The following COBLL1 variants were observed in gnomAD, a reference collection of about 807,000 sequenced individuals.
COBLL1 encodes the protein cordon-bleu WH2 repeat protein like 1.
COBLL1 carries 50 observed loss-of-function variants against 94.8 expected under a neutral mutation model. The observed-to-expected ratio is 0.53, with a 90% CI of 0.42 to 0.67. The LOEUF (loss-of-function observed/expected upper bound fraction) is 0.67. Among genes scored for constraint, COBLL1 ranks in the 30% least tolerant of loss-of-function variants. The pLI is 0.00. For missense variants in COBLL1, 1,362 were observed against 1,348.7 expected (o/e 1.01, Z -0.15); for synonymous variants, 448 against 473.8 (o/e 0.95, Z 0.71).
At chr2:164,673,248 A>C (rs1691276376) in intron 1 of COBLL1, among the ~76,000 whole-genome samples, 1 of 152,228 alleles carries the variant, frequency 6.6e-6, no homozygotes, top group African/African-American at 2.4e-5. Flanking sequence ...AAATCAGAGA[A>C]CATGACCAGA....
downstream of COBLL1, among the ~76,000 whole-genome samples, chr2:164,676,059 G>A (rs1691331067): frequency 1.3e-5 from 2 of 152,100 alleles, no homozygotes; most frequent in Non-Finnish European, 2.9e-5. Flanking sequence ...TCAACCCACA[G>A]GATTGAATTC....
chr2:164,774,623 GCTCAAAATAT>G (rs1688372202), intron 2 of COBLL1, among the ~76,000 whole-genome samples: 1 of 152,130 alleles, frequency 6.6e-6, no homozygotes, highest in Non-Finnish European at 1.5e-5. Flanking sequence ...TAAGGTTATA[GCTCAAAATAT>G]CACAAGAACT....
intron 3 of COBLL1, among the ~76,000 whole-genome samples, chr2:164,738,626 G>GT (rs1686437040): frequency 6.6e-6 from 1 of 152,188 alleles, no homozygotes; most frequent in Non-Finnish European, 1.5e-5. Flanking sequence ...TGAAAAAGAT[G>GT]TTTATCGATT....
In COBLL1 at chr2:164,706,137, C is replaced by T. The variant is rs965155865; in HGVS notation, c.997-1032G>A. 1.3e-4 allele frequency among the ~76,000 whole-genome samples: 20 copies of T among 152,152 alleles called. 1 individual carries two copies. The highest frequency in any genetic ancestry group is 4.4e-5 in the Non-Finnish European group (3 of 68,028). On this transcript the variant is annotated intron_variant, in intron 7 of 13. Transcript: ENST00000652658. ...AATGATACTTTTCCCAGCCTTTGAT[C>T]CATTAAAAGGATTCCTATCAAAGTC... is the stretch of plus-strand genomic sequence containing the variant.
intron 2 of COBLL1, among the ~76,000 whole-genome samples, chr2:164,812,704 C>T (rs1394523586): frequency 6.6e-6 from 1 of 151,886 alleles, no homozygotes; most frequent in African/African-American, 2.4e-5. Flanking sequence ...CATGCTAAGC[C>T]CTTGGTACAA....
At position 164,695,317 on chromosome 2, in the gene COBLL1, A is replaced by G. The variant is rs765047146; in HGVS notation, c.2075T>C (p.Ile692Thr). 1.4e-5 allele frequency: 22 copies of G among 1,613,728 alleles called. No homozygotes were observed. The Admixed American group carries it at 2.3e-4, about 17-fold the overall frequency. The change falls in exon 12 of 14, where the codon ATT becomes ACT. Residue 692 changes from isoleucine (I) to threonine (T), a missense_variant. Coordinates refer to ENST00000652658, the MANE Select transcript of COBLL1 (RefSeq NM_001365672.2). ...NDDLLPPVDR[I>T]DKNSTASYLK... ...GTAAGAAGCAGTGGAATTTTTGTCA[A>G]TCCTATCTACAGGAGGCAAAAGATC...
intron 3 of COBLL1, 94 bp from the exon 4 acceptor site, chr2:164,730,209 T>C: frequency 8.8e-7 from 1 of 1,139,406 alleles, no homozygotes; most frequent in Non-Finnish European, 1.3e-6. Flanking sequence ...CAAGATAGTT[T>C]TTGGAAAAGC....
Position 164,700,515 on chromosome 2 carries a change from T to A in COBLL1, c.1460+7A>T. On this transcript the variant is annotated splice_region_variant and intron_variant, in intron 10 of 13. Transcript: ENST00000652658. The stretch of plus-strand genomic sequence containing the variant: ...GCCACCAACACTCCAGCACAGAGAC[T>A]ACTTACTGTCCATCTGTGCTTTTAG... 2 of 1,568,350 alleles carry A rather than the reference T, an allele frequency of 1.3e-6. No individual in the cohort carries two copies. Among genetic ancestry groups the A allele is most frequent in the Non-Finnish European group, 1.8e-6 (2 of 1,139,244 alleles).
At chr2:164,822,917 C>T (rs1289875359) in intron 2 of COBLL1, among the ~76,000 whole-genome samples, 1 of 151,906 alleles carries the variant, frequency 6.6e-6, no homozygotes, top group East Asian at 1.9e-4. Context: ...TACAGGCATG[C>T]ACCACCACAC....
chr2:164,751,890 T>C (rs1172995697), intron 2 of COBLL1, among the ~76,000 whole-genome samples: 1 of 152,162 alleles, frequency 6.6e-6, no homozygotes, highest in Non-Finnish European at 1.5e-5. Context: ...GTAATTTGCC[T>C]GAAGCCATGT....
chr2:164,776,577 AATTT>A (rs1559004720), intron 2 of COBLL1, among the ~76,000 whole-genome samples: 1 of 146,218 alleles, frequency 6.8e-6, no homozygotes. Flanking sequence ...GTTTTTTTTT[AATTT>A]ATTTTGTCTG....
chr2:164,793,826 A>G (rs1574600039), intron 2 of COBLL1, among the ~76,000 whole-genome samples: 1 of 152,240 alleles, frequency 6.6e-6, no homozygotes, highest in East Asian at 1.9e-4. Context: ...GACTGGTAAG[A>G]CTATAAGTAT....
intron 2 of COBLL1, among the ~76,000 whole-genome samples, chr2:164,760,075 A>G (rs1171910444): frequency 6.6e-6 from 1 of 152,190 alleles, no homozygotes; most frequent in African/African-American, 2.4e-5. Context: ...GTGAAAACTT[A>G]TATTCACAAA....
intron 2 of COBLL1, chr2:164,772,091 T>C (rs1217210278): frequency 6.6e-6 from 1 of 152,026 alleles, no homozygotes; most frequent in Non-Finnish European, 1.5e-5. Flanking sequence ...CTCGATCATC[T>C]AACCTCATGC....
chr2:164,721,969 A>G, intron 7 of COBLL1, 106 bp downstream of exon 7: 2 of 780,996 alleles, frequency 2.6e-6, no homozygotes, highest in Non-Finnish European at 4.1e-6. Context: ...CAACTGTTAT[A>G]GGACTACTTC....
intron 2 of COBLL1, among the ~76,000 whole-genome samples, chr2:164,807,478 C>A (rs1574626481): frequency 6.6e-6 from 1 of 150,988 alleles, no homozygotes; most frequent in South Asian, 2.1e-4. Flanking sequence ...TTCAATTCTA[C>A]ATTTGTCAAA....
At chr2:164,701,331 G>T (rs1020245373) in intron 9 of COBLL1, among the ~76,000 whole-genome samples, 4 of 152,156 alleles carry the variant, frequency 2.6e-5, no homozygotes, top group African/African-American at 9.7e-5. Context: ...ATTCTACTAT[G>T]CAACCTCAGT....
chr2:164,736,056 T>A (rs2105537780), intron 3 of COBLL1, among the ~76,000 whole-genome samples: 1 of 152,124 alleles, frequency 6.6e-6, no homozygotes, highest in Non-Finnish European at 1.5e-5. Context: ...GAGGGCTGAT[T>A]TTTTTTTAAG....
At chr2:164,658,037 C>A (rs561415217) in intron 2 of COBLL1, among the ~76,000 whole-genome samples, 2 of 152,222 alleles carry the variant, frequency 1.3e-5, no homozygotes, top group East Asian at 1.9e-4. Context: ...CATTGTCCCT[C>A]CCGCTGTGCT....
Sources: gnomAD v4.1 joint callset for allele counts (sites outside exome capture counted in the v4.1 genomes callset) on GRCh38, gnomAD v4.1.1 for gene constraint, MANE v1.5 for transcripts, NCBI Gene and HGNC (gene_info 2026-07-23, HGNC 2026-07-21) for gene names.